The following CERK variants were observed in gnomAD, a reference collection of about 807,000 sequenced individuals.
The protein encoded by CERK is ceramide kinase.
In CERK, 39 loss-of-function variants were observed where a neutral mutation model predicts 63.4. That is an observed-to-expected ratio of 0.61 (90% confidence interval 0.48 to 0.80). The LOEUF (loss-of-function observed/expected upper bound fraction) is 0.80. Among genes scored for constraint, CERK ranks in the 30% least tolerant of loss-of-function variants. The pLI, the probability that CERK is intolerant of heterozygous loss-of-function variation, is 0.00. For missense variants in CERK, 670 were observed against 714.1 expected, an observed-to-expected ratio of 0.94 and a Z score of 0.70; for synonymous variants, 302 against 280.0, an observed-to-expected ratio of 1.08 and a Z score of -0.78.
intron 8 of CERK, among the ~76,000 whole-genome samples, chr22:46,696,665 G>A (rs1601711383): frequency 3.3e-5 from 5 of 152,328 alleles, no homozygotes; most frequent in East Asian, 1.9e-4. Flanking sequence ...CAGAACAACC[G>A]GGTGCTTTCT....
chr22:46,715,767 T>C (rs1201323047), intron 3 of CERK, among the ~76,000 whole-genome samples: 1 of 152,216 alleles, frequency 6.6e-6, no homozygotes, highest in Non-Finnish European at 1.5e-5. Context: ...GAATTCCAAA[T>C]GGATTACATA....
Position 46,738,127 on chromosome 22 carries a change from C to A in CERK, c.22G>T (p.Glu8Ter). The A allele has an allele frequency of 8.1e-7, 1 of 1,229,830 alleles. No homozygotes were observed. Among genetic ancestry groups the A allele is most frequent in the Non-Finnish European group, 1.0e-6 (1 of 980,524 alleles). 76.2% of individuals were successfully genotyped at this position (1,229,830 alleles called of 1,614,324 possible). A position where few individuals can be genotyped will look rare whatever the true frequency, so the allele number is the denominator to read the frequency against. The change falls in exon 1 of 13, where the codon GAG (glutamate) becomes TAG (stop). Residue 8 changes from glutamate to a stop codon, truncating the protein, a stop_gained. Transcript: ENST00000216264. LOFTEE classifies it high-confidence loss of function. ...ACCCACAGCACGGATTGCAGCGGCT[C>A]CGCCGCCCCCGTCGCCCCCATCTCC... is the stretch of plus-strand genomic sequence containing the variant. MGATGAA[E>*]PLQSVLWVKQ...
chr22:46,693,449 T>A lies in CERK; in HGVS notation c.1104A>T (p.Ala368=). The A allele has an allele frequency of 6.2e-7, 1 of 1,614,150 alleles. No individual in the cohort carries two copies. Among genetic ancestry groups the A allele is most frequent in the Non-Finnish European group, 8.5e-7 (1 of 1,179,996 alleles). ...TACCCGCAGCTTCCAAACCATACAG[T>A]GCTTTCTTCTGCTCCTCCTCCAGCT... ...KQQLEEEQKK[A]LYGLEAAEDV... Residue 368 remains alanine, a synonymous_variant, in exon 10 of 13, where the codon GCA becomes GCT. Transcript: ENST00000216264.
intron 6 of CERK, among the ~76,000 whole-genome samples, chr22:46,703,657 G>A (rs971463686): frequency 4.0e-4 from 61 of 152,068 alleles, no homozygotes; most frequent in African/African-American, 1.3e-3. Context: ...GCTACACCCC[G>A]GAGTCTCAGA....
chr22:46,693,327 C>T (rs925151745), intron 10 of CERK, 100 bp downstream of exon 10: 3 of 955,260 alleles, frequency 3.1e-6, no homozygotes, highest in Non-Finnish European at 3.4e-6. Context: ...AAAGGAAAAG[C>T]ACAGGTGGGC....
rs375444419 is a variant in CERK at position 46,701,622 on chromosome 22, G to A, written c.790+14C>T. The A allele has an allele frequency of 1.6e-5, 25 of 1,552,868 alleles. No homozygotes were observed. Among genetic ancestry groups the A allele is most frequent in the East Asian group, 4.9e-5 (2 of 41,016 alleles). ...CCGGCTGCCACCGTGCGCATGCGCA[G>A]AGGAGGGGCTCACCAACAACGATAT... is the stretch of plus-strand genomic sequence containing the variant. On this transcript the variant is annotated intron_variant, in intron 7 of 12. Transcript: ENST00000216264.
Position 46,687,130 on chromosome 22 carries a change from C to T in CERK, c.*4G>A, listed in dbSNP as rs1374340991. On this transcript the variant is annotated 3_prime_UTR_variant, in exon 13 of 13. Transcript: ENST00000216264. ...TCCCAGTTTGTGAGCAGGACGCCGG[C>T]TTCTCAGCTGTGTGAGTCTGGCTTC... The T allele has an allele frequency of 3.7e-6, 6 of 1,613,972 alleles. No homozygotes were observed. Among genetic ancestry groups the T allele is most frequent in the East Asian group, 4.5e-5 (2 of 44,888 alleles).
At position 46,699,484 on chromosome 22, in the gene CERK, G is replaced by A. The variant is rs200629892; in HGVS notation, c.791-19C>T. 5.9e-5 allele frequency: 95 copies of A among 1,612,846 alleles called. No individual in the cohort carries two copies. Among genetic ancestry groups the A allele is most frequent in the East Asian group, 2.2e-4 (10 of 44,852 alleles). ...GAGTCCCCTGTGGGAGAGAACGGCC[G>A]TGAGGGAAGGCAGCCCCCCTCCAGC... On this transcript the variant is annotated intron_variant, in intron 7 of 12. Transcript: ENST00000216264.
chr22:46,688,981 T>C (rs1373711387), intron 12 of CERK, among the ~76,000 whole-genome samples: 2 of 152,250 alleles, frequency 1.3e-5, no homozygotes, highest in East Asian at 3.8e-4. Context: ...ACAATTTTCT[T>C]TGCACTCAGA....
intron 3 of CERK, among the ~76,000 whole-genome samples, chr22:46,718,285 T>C (rs1215793325): frequency 6.6e-6 from 1 of 152,124 alleles, no homozygotes; most frequent in African/African-American, 2.4e-5. Flanking sequence ...AGTCTGCACC[T>C]ATAGGATCAG....
At chr22:46,704,601 C>T (rs2082803999) in intron 6 of CERK, among the ~76,000 whole-genome samples, 1 of 151,892 alleles carries the variant, frequency 6.6e-6, no homozygotes, top group African/African-American at 2.4e-5. Context: ...CCGAGGTGGG[C>T]AGATCACGAG....
chr22:46,725,398 A>G (rs2082913501), intron 1 of CERK, among the ~76,000 whole-genome samples: 1 of 152,114 alleles, frequency 6.6e-6, no homozygotes, highest in African/African-American at 2.4e-5. Context: ...GCTGGCACAC[A>G]GAAGAATGCG....
chr22:46,732,547 G>A (rs1253490472), intron 1 of CERK, among the ~76,000 whole-genome samples: 1 of 151,016 alleles, frequency 6.6e-6, no homozygotes, highest in Non-Finnish European at 1.5e-5. Context: ...CTCTGGGATA[G>A]ATAATCAAAA....
intron 11 of CERK, 100 bp from the exon 12 acceptor site, chr22:46,690,300 G>T: frequency 1.2e-6 from 1 of 852,002 alleles, no homozygotes; most frequent in Non-Finnish European, 1.8e-6. Flanking sequence ...TGTCAGGCCT[G>T]GGTGCACACA....
Position 46,738,194 on chromosome 22 carries a change from G to C in CERK, c.-46C>G. 9.1e-7 allele frequency: 1 copy of C among 1,093,868 alleles called. No individual in the cohort carries two copies. The highest frequency in any genetic ancestry group is 1.1e-6 in the Non-Finnish European group (1 of 900,820). The allele number at this position is 1,093,868 out of a possible 1,614,324, so 67.8% of individuals were successfully genotyped here. ...GCCAGGCTGGGGGCGCGCGGACGCC[G>C]AGGGGCGCCGGACCGTTAGCGGCCC... On this transcript the variant is annotated 5_prime_UTR_variant, in exon 1 of 13. Coordinates refer to ENST00000216264, the MANE Select transcript of CERK (RefSeq NM_022766.6).
chr22:46,711,222 T>A, intron 4 of CERK, 73 bp from the exon 5 acceptor site: 1 of 1,177,286 alleles, frequency 8.5e-7, no homozygotes, highest in South Asian at 1.2e-5. Flanking sequence ...AAATCATCCA[T>A]TCTTTTAAAA....
intron 9 of CERK, among the ~76,000 whole-genome samples, chr22:46,694,078 C>G (rs1394836004): frequency 9.2e-5 from 14 of 152,090 alleles, no homozygotes; most frequent in African/African-American, 3.4e-4. Context: ...ACAGCATCTG[C>G]CTCTACATAT....
At position 46,702,177 on chromosome 22, in the gene CERK, C is replaced by CAA. The variant is rs135690; in HGVS notation, c.716-469_716-468dup. On this transcript the variant is annotated intron_variant, in intron 6 of 12. Coordinates refer to ENST00000216264, the MANE Select transcript of CERK (RefSeq NM_022766.6). ...TGGGCAACAGAGTGAGACTTCGTCT[C>CAA]AAAAAAAAAAAAAAAAAGGAGCCAA... Among the ~76,000 whole-genome samples, 343 of 83,964 alleles carry CAA rather than the reference C, an allele frequency of 4.1e-3. 12 individuals carry two copies. Among genetic ancestry groups the CAA allele is most frequent in the African/African-American group, 0.013 (253 of 19,252 alleles). The allele number at this position is 83,964 out of a possible 152,430, so 55.1% of individuals were successfully genotyped here.
At chr22:46,718,682 T>A (rs1213191014) in intron 3 of CERK, among the ~76,000 whole-genome samples, 1 of 152,222 alleles carries the variant, frequency 6.6e-6, no homozygotes, top group African/African-American at 2.4e-5. Context: ...TGAAATTCAC[T>A]TTCTTGATGT....
Sources: allele counts gnomAD v4.1 joint callset (sites outside exome capture counted in the v4.1 genomes callset), GRCh38; gene constraint gnomAD v4.1.1; transcripts MANE v1.5; gene names NCBI Gene and HGNC (gene_info 2026-07-23, HGNC 2026-07-21).